The following GJA1 variants were observed in gnomAD, a reference collection of about 807,000 sequenced individuals.
GJA1 encodes the protein gap junction protein alpha 1, also known as gap junction alpha-1 protein.
GJA1 carries 9 observed loss-of-function variants against 31.0 expected under a neutral mutation model. That is an observed-to-expected ratio of 0.29 (90% CI 0.17 to 0.51). The LOEUF (loss-of-function observed/expected upper bound fraction) is 0.51, where lower values mean the gene tolerates loss of function less well. Among genes scored for constraint, GJA1 ranks in the 20% least tolerant of loss-of-function variants. The pLI is 0.98. For synonymous variants in GJA1, 186 were observed against 180.1 expected (o/e 1.03, Z -0.26); for missense variants, 278 against 468.8 (o/e 0.59, Z 3.76).
intron 1 of GJA1, among the ~76,000 whole-genome samples, chr6:121,439,446 G>A (rs1473955809): frequency 6.6e-6 from 1 of 152,174 alleles, no homozygotes; most frequent in Non-Finnish European, 1.5e-5. Flanking sequence ...AAGAGTAGGG[G>A]CAGAGGAAAC....
Position 121,449,446 on chromosome 6 carries a change from TTTGAACTATATG to T in GJA1, c.*1456_*1467del, listed in dbSNP as rs1232029619. 2.4e-5 allele frequency: 4 copies of T among 167,112 alleles called. No individual in the cohort carries two copies. The highest frequency in any genetic ancestry group is 9.6e-5 in the African/African-American group (4 of 41,464). 10.4% of individuals were successfully genotyped at this position (167,112 alleles called of 1,614,324 possible). A position where few individuals can be genotyped will look rare whatever the true frequency, so the allele number is the denominator to read the frequency against. On this transcript the variant is annotated 3_prime_UTR_variant, in exon 2 of 2. Coordinates refer to ENST00000282561, the MANE Select transcript of GJA1 (RefSeq NM_000165.5). ...CAGTAGTACACATACAACTAATTTATTTGAACTATATGTTGAAGACATCTACCAGTTTCTCCA... is the reference window on the plus strand; with the variant it reads ...CAGTAGTACACATACAACTAATTTATTTGAAGACATCTACCAGTTTCTCCA...
chr6:121,445,664 G>A (rs1183567485), intron 1 of GJA1, among the ~76,000 whole-genome samples: 1 of 152,190 alleles, frequency 6.6e-6, no homozygotes, highest in African/African-American at 2.4e-5. Flanking sequence ...AAGGCTGTGA[G>A]TAGTATTGAG....
At chr6:121,446,098 C>T (rs1327950142) in intron 1 of GJA1, among the ~76,000 whole-genome samples, 1 of 152,002 alleles carries the variant, frequency 6.6e-6, no homozygotes, top group African/African-American at 2.4e-5. Flanking sequence ...GAGTTCGAGA[C>T]CAGCCTGAGC....
At chr6:121,446,465 C>T (rs1256767305) in intron 1 of GJA1, among the ~76,000 whole-genome samples, 4 of 152,142 alleles carry the variant, frequency 2.6e-5, no homozygotes, top group Admixed American at 6.5e-5. Flanking sequence ...ACAGATCTAC[C>T]AGGCAAAAAC....
rs1270925038 is a variant in GJA1, at chr6:121,448,517, G to C, written c.*521G>C. On this transcript the variant is annotated 3_prime_UTR_variant, in exon 2 of 2. Transcript: ENST00000282561. ...TTGCACTTTGAAGGTAAGCTTTCTA[G>C]GCCTGACCCTCCAGGTGTCAATGGA... The C allele has an allele frequency of 1.7e-4, 31 of 179,094 alleles. No individual in the cohort carries two copies. The highest frequency in any genetic ancestry group is 6.7e-5 in the Non-Finnish European group (5 of 74,098). 11.1% of individuals were successfully genotyped at this position (179,094 alleles called of 1,614,324 possible). A position where few individuals can be genotyped will look rare whatever the true frequency, so the allele number is the denominator to read the frequency against.
intron 1 of GJA1, among the ~76,000 whole-genome samples, chr6:121,442,927 C>G (rs957425337): frequency 6.7e-6 from 1 of 150,044 alleles, no homozygotes; most frequent in Non-Finnish European, 1.5e-5. Flanking sequence ...TCCTCTTAGA[C>G]AGACCTTGGT....
rs1685774583 is a variant in GJA1, at chr6:121,448,459, T to C, written c.*463T>C. On this transcript the variant is annotated 3_prime_UTR_variant, in exon 2 of 2. Transcript: ENST00000282561. ...CAAGAAAAAGACAGAGGATTGTCCT[T>C]AAGTCCCTGCTAAAACATTCCATTG... The C allele has an allele frequency of 5.0e-6, 1 of 201,588 alleles. No homozygotes were observed. Among genetic ancestry groups the C allele is most frequent in the African/African-American group, 2.4e-5 (1 of 42,508 alleles). 12.5% of individuals were successfully genotyped at this position (201,588 alleles called of 1,614,324 possible).
At position 121,447,990 on chromosome 6, in the gene GJA1, G is replaced by T. The variant is rs1562174711; in HGVS notation, c.1143G>T (p.Glu381Asp). Residue 381 changes from glutamate to aspartate, a missense_variant, in exon 2 of 2, where the codon GAG becomes GAT. Physicochemically the swap from Glu to Asp is conservative, Grantham distance 45 (BLOSUM62 2). Transcript: ENST00000282561. ...GCAGACCTCGGCCTGATGACCTGGA[G>T]ATCTAGATACAGGCTTGAAAGCATC... ...ASSRPRPDDL[E>D]I The T allele has an allele frequency of 1.9e-6, 3 of 1,610,908 alleles. No individual in the cohort carries two copies. The highest frequency in any genetic ancestry group is 2.5e-6 in the Non-Finnish European group (3 of 1,178,704).
chr6:121,441,313 T>C (rs901273237), intron 1 of GJA1, among the ~76,000 whole-genome samples: 137 of 152,170 alleles, frequency 9.0e-4, no homozygotes, highest in African/African-American at 3.2e-3. Context: ...GATCTCAAAC[T>C]CTTGACCTCA....
chr6:121,442,026 A>G (rs1015644686), intron 1 of GJA1, among the ~76,000 whole-genome samples: 1 of 152,210 alleles, frequency 6.6e-6, no homozygotes, highest in Non-Finnish European at 1.5e-5. Flanking sequence ...AATCCATTAA[A>G]TGATTTTATC....
rs752221637 is a variant in GJA1, at chr6:121,447,297, G to C, written c.450G>C (p.Gly150=). The C allele has an allele frequency of 6.2e-7, 1 of 1,614,050 alleles. No individual in the cohort carries two copies. The highest frequency in any genetic ancestry group is 2.2e-5 in the East Asian group (1 of 44,874). The change falls in exon 2 of 2, where the codon GGG becomes GGC. Residue 150 remains glycine, a synonymous_variant. Coordinates refer to ENST00000282561, the MANE Select transcript of GJA1 (RefSeq NM_000165.5). Reference sequence around the variant, plus strand: ...ATGGTAAGGTGAAAATGCGAGGGGGGTTGCTGCGAACCTACATCATCAGTA... The same window carrying C: ...ATGGTAAGGTGAAAATGCGAGGGGGCTTGCTGCGAACCTACATCATCAGTA... ...EEHGKVKMRG[G]LLRTYIISIL...
At chr6:121,439,281 C>A (rs1017064680) in intron 1 of GJA1, among the ~76,000 whole-genome samples, 2 of 152,092 alleles carry the variant, frequency 1.3e-5, no homozygotes, top group African/African-American at 2.4e-5. Context: ...TGAGCTGTTA[C>A]TAAGAGCATC....
chr6:121,436,788 G>C (rs1363455974), intron 1 of GJA1, among the ~76,000 whole-genome samples: 3 of 152,220 alleles, frequency 2.0e-5, no homozygotes, highest in Non-Finnish European at 4.4e-5. Flanking sequence ...GCTCGAACCT[G>C]TAACAGAATT....
chr6:121,437,715 T>C (rs945815431), intron 1 of GJA1, among the ~76,000 whole-genome samples: 5 of 152,148 alleles, frequency 3.3e-5, no homozygotes, highest in Non-Finnish European at 7.3e-5. Flanking sequence ...CGTGCTTCTC[T>C]TTCTCTCCAG....
intron 1 of GJA1, 98 bp from the exon 2 acceptor site, chr6:121,446,734 A>AC (rs564245411): frequency 1.5e-4 from 128 of 846,898 alleles, no homozygotes; most frequent in Non-Finnish European, 2.5e-4. Flanking sequence ...AATACGTGAA[A>AC]CCGTTGGTAG....
At chr6:121,443,806 G>A (rs1229572867) in intron 1 of GJA1, among the ~76,000 whole-genome samples, 2 of 152,116 alleles carry the variant, frequency 1.3e-5, no homozygotes, top group Non-Finnish European at 2.9e-5. Context: ...CTCTATCGTT[G>A]CATGAATGTG....
intron 1 of GJA1, among the ~76,000 whole-genome samples, chr6:121,445,854 C>A (rs1370616319): frequency 1.3e-5 from 2 of 152,130 alleles, no homozygotes; most frequent in African/African-American, 4.8e-5. Flanking sequence ...AAAATAGTCA[C>A]CATTGCTTGG....
chr6:121,446,306 T>C (rs1773888614), intron 1 of GJA1, among the ~76,000 whole-genome samples: 1 of 147,808 alleles, frequency 6.8e-6, no homozygotes, highest in African/African-American at 2.5e-5. Flanking sequence ...AAAAAAAAAA[T>C]CTTTCAGAGT....
At position 121,447,278 on chromosome 6, in the gene GJA1, A is replaced by G. The variant is rs1472874299; in HGVS notation, c.431A>G (p.Lys144Arg). ...KFKYGIEEHG[K>R]VKMRGGLLRT... ...AAGTACGGTATTGAAGAGCATGGTA[A>G]GGTGAAAATGCGAGGGGGGTTGCTG... Residue 144 changes from lysine (K) to arginine (R), a missense_variant, in exon 2 of 2, where the codon AAG (lysine) becomes AGG (arginine). Coordinates refer to ENST00000282561, the MANE Select transcript of GJA1 (RefSeq NM_000165.5). The G allele has an allele frequency of 6.2e-7, 1 of 1,614,210 alleles. No individual in the cohort carries two copies. The highest frequency in any genetic ancestry group is 8.5e-7 in the Non-Finnish European group (1 of 1,180,028).
Sources: allele counts gnomAD v4.1 joint callset (sites outside exome capture counted in the v4.1 genomes callset), GRCh38; gene constraint gnomAD v4.1.1; transcripts MANE v1.5; gene names NCBI Gene and HGNC (gene_info 2026-07-23, HGNC 2026-07-21).